NEGR1: variants seen among roughly 807,000 people sequenced by gnomAD.
NEGR1 encodes IgLON family member 4.
In NEGR1, 10 loss-of-function variants were observed where a neutral mutation model predicts 40.9. The ratio of observed to expected loss-of-function variants is 0.24; its 90% CI spans 0.15 to 0.42. The LOEUF is 0.42. NEGR1 is among the 10% of genes least tolerant of loss of function. NEGR1 has a pLI of 1.00. For synonymous variants in NEGR1, 185 were observed against 166.8 expected (o/e 1.11, Z -0.84); for missense variants, 352 against 438.9 (o/e 0.80, Z 1.77).
intron 6 of NEGR1, among the ~76,000 whole-genome samples, chr1:71,513,591 T>G (rs989812133): frequency 6.6e-6 from 1 of 152,194 alleles, no homozygotes; most frequent in Non-Finnish European, 1.5e-5. Context: ...TTTGTAGACA[T>G]TTTCTTAAAA....
chr1:71,975,575 T>C (rs1646294621), intron 1 of NEGR1, among the ~76,000 whole-genome samples: 1 of 152,176 alleles, frequency 6.6e-6, no homozygotes, highest in African/African-American at 2.4e-5. Flanking sequence ...GCTAGATCTA[T>C]GTAATGAAAT....
At chr1:71,805,064 A>AGCTCCAGTCTCCCTTAGC (rs1447165667) in intron 2 of NEGR1, among the ~76,000 whole-genome samples, 9 of 152,142 alleles carry the variant, frequency 5.9e-5, no homozygotes, top group African/African-American at 1.9e-4. Flanking sequence ...GGATGAAATA[A>AGCTCCAGTCTCCCTTAGC]GCTCCAGTCT....
chr1:72,009,406 T>C (rs999115571), intron 1 of NEGR1, among the ~76,000 whole-genome samples: 1 of 152,124 alleles, frequency 6.6e-6, no homozygotes, highest in African/African-American at 2.4e-5. Context: ...AATTTTGATT[T>C]CATTTAAATC....
At chr1:72,229,543 G>A (rs1654292777) in intron 1 of NEGR1, among the ~76,000 whole-genome samples, 2 of 149,154 alleles carry the variant, frequency 1.3e-5, no homozygotes, top group Non-Finnish European at 3.0e-5. Flanking sequence ...TCAAGTCTTG[G>A]CAATATATAT....
intron 1 of NEGR1, among the ~76,000 whole-genome samples, chr1:72,218,640 A>T (rs772948214): frequency 3.3e-5 from 5 of 151,930 alleles, no homozygotes; most frequent in Non-Finnish European, 5.9e-5. Flanking sequence ...GAGACGATAT[A>T]ACAGAGATCG....
At chr1:71,612,258 G>A (rs1307426648) in intron 4 of NEGR1, among the ~76,000 whole-genome samples, 3 of 152,134 alleles carry the variant, frequency 2.0e-5, no homozygotes, top group Non-Finnish European at 4.4e-5. Flanking sequence ...GTATTGCACT[G>A]TATCATGTAC....
intron 6 of NEGR1, among the ~76,000 whole-genome samples, chr1:71,420,283 AT>A: frequency 6.6e-6 from 1 of 152,220 alleles, no homozygotes; most frequent in Non-Finnish European, 1.5e-5. Context: ...TAATATATAC[AT>A]TTAAACATAT....
chr1:71,675,230 T>G lies in NEGR1; in HGVS notation c.667+22778A>C, dbSNP rs191815110. ...ATTCAGTTAAGTAAACCTTCAGGTA[T>G]AGAGTTAAGTGCCTTTGAACTCAGG... is the stretch of plus-strand genomic sequence containing the variant. On this transcript the variant is annotated intron_variant, in intron 4 of 6. Coordinates refer to ENST00000357731, the MANE Select transcript of NEGR1 (RefSeq NM_173808.3). Among the ~76,000 whole-genome samples, 6 of 147,324 alleles carry G rather than the reference T, an allele frequency of 4.1e-5. No individual in the cohort carries two copies. The East Asian group carries it at 1.0e-3, about 25-fold the overall frequency.
At chr1:71,770,116 T>C (rs1656265248) in intron 3 of NEGR1, among the ~76,000 whole-genome samples, 1 of 152,158 alleles carries the variant, frequency 6.6e-6, no homozygotes, top group Non-Finnish European at 1.5e-5. Flanking sequence ...ACACTAGGAA[T>C]TTTGAAAAAA....
At chr1:72,237,903 G>A (rs1654611012) in intron 1 of NEGR1, among the ~76,000 whole-genome samples, 1 of 151,868 alleles carries the variant, frequency 6.6e-6, no homozygotes, top group African/African-American at 2.4e-5. Context: ...CTTATGCAGG[G>A]TTTTTGTGAA....
chr1:71,694,176 TG>T (rs1653393781), intron 4 of NEGR1, among the ~76,000 whole-genome samples: 1 of 151,696 alleles, frequency 6.6e-6, no homozygotes, highest in Admixed American at 6.6e-5. Context: ...GCAAATAAAA[TG>T]GGGAATCTGT....
chr1:71,870,362 G>A (rs1051797029), intron 2 of NEGR1, among the ~76,000 whole-genome samples: 11 of 152,010 alleles, frequency 7.2e-5, no homozygotes, highest in Admixed American at 3.3e-4. Context: ...AATAATTAAC[G>A]CATAATTACG....
At chr1:72,121,844 T>A (rs762909907) in intron 1 of NEGR1, among the ~76,000 whole-genome samples, 5 of 152,006 alleles carry the variant, frequency 3.3e-5, no homozygotes, top group Non-Finnish European at 5.9e-5. Context: ...TGTTAGCACC[T>A]CCATTACTGA....
intron 1 of NEGR1, among the ~76,000 whole-genome samples, chr1:71,980,300 T>C (rs1646343131): frequency 6.6e-6 from 1 of 152,120 alleles, no homozygotes; most frequent in African/African-American, 2.4e-5. Context: ...ATGTAAGTCA[T>C]TATTATTTGG....
intron 6 of NEGR1, among the ~76,000 whole-genome samples, chr1:71,504,032 T>C (rs536292735): frequency 8.4e-4 from 125 of 148,596 alleles, no homozygotes; most frequent in African/African-American, 3.0e-3. Context: ...ACAAAATGTC[T>C]CAGAGGCATT....
At chr1:72,208,829 G>A (rs1457587364) in intron 1 of NEGR1, among the ~76,000 whole-genome samples, 1 of 151,434 alleles carries the variant, frequency 6.6e-6, no homozygotes, top group Non-Finnish European at 1.5e-5. Context: ...ATGACTCTAG[G>A]AAATAATTTG....
chr1:71,843,579 T>C (rs1659313186), intron 2 of NEGR1, among the ~76,000 whole-genome samples: 1 of 152,090 alleles, frequency 6.6e-6, no homozygotes, highest in Admixed American at 6.6e-5. Flanking sequence ...ACAAAATAGA[T>C]TCTGAAACTT....
intron 3 of NEGR1, among the ~76,000 whole-genome samples, chr1:71,760,664 A>T (rs1356939173): frequency 6.6e-6 from 1 of 152,196 alleles, no homozygotes; most frequent in Non-Finnish European, 1.5e-5. Flanking sequence ...TATTGTTGAA[A>T]TGTCATCAGC....
chr1:71,485,493 T>C (rs960829846), intron 6 of NEGR1, among the ~76,000 whole-genome samples: 2 of 151,606 alleles, frequency 1.3e-5, no homozygotes, highest in Non-Finnish European at 3.0e-5. Context: ...TATTGCACAC[T>C]ATCTGGGTTT....
Sources: gnomAD v4.1 joint callset for allele counts (sites outside exome capture counted in the v4.1 genomes callset) on GRCh38, gnomAD v4.1.1 for gene constraint, MANE v1.5 for transcripts, NCBI Gene and HGNC (gene_info 2026-07-23, HGNC 2026-07-21) for gene names.